CFHR2: variants seen among roughly 807,000 people sequenced by gnomAD.
The protein encoded by CFHR2 is complement factor H related 2.
A neutral mutation model predicts 21.7 loss-of-function variants in CFHR2; 22 were observed. The ratio of observed to expected loss-of-function variants is 1.01; its 90% CI spans 0.72 to 1.45. The LOEUF (loss-of-function observed/expected upper bound fraction) is 1.45, where lower values mean the gene tolerates loss of function less well. Ranked by LOEUF, CFHR2 falls within the 40% of genes most tolerant of loss-of-function variation. CFHR2 has a pLI of 0.00. For missense variants in CFHR2, 294 were observed against 293.3 expected (o/e 1.00, Z -0.02); for synonymous variants, 98 against 97.4 (o/e 1.01, Z -0.04).
intron 3 of CFHR2, among the ~76,000 whole-genome samples, chr1:196,951,340 A>G (rs1434463295): frequency 6.6e-6 from 1 of 152,220 alleles, no homozygotes; most frequent in Non-Finnish European, 1.5e-5. Flanking sequence ...ATGGTTACAA[A>G]ACTGATGTAT....
intron 3 of CFHR2, among the ~76,000 whole-genome samples, chr1:196,953,502 C>T (rs1484966057): frequency 6.6e-6 from 1 of 152,108 alleles, no homozygotes; most frequent in Non-Finnish European, 1.5e-5. Context: ...AGGCTGGTCT[C>T]CAACTCCCAA....
chr1:196,956,409 C>A (rs779018040), intron 3 of CFHR2, among the ~76,000 whole-genome samples: 2 of 152,008 alleles, frequency 1.3e-5, no homozygotes, highest in Non-Finnish European at 2.9e-5. Context: ...TAGTTTATGC[C>A]TTATGGTCAG....
chr1:196,952,090 A>G (rs1311612320), intron 3 of CFHR2, among the ~76,000 whole-genome samples: 1 of 152,170 alleles, frequency 6.6e-6, no homozygotes, highest in Non-Finnish European at 1.5e-5. Flanking sequence ...GTTATCAAAT[A>G]TTATTCCACA....
intron 3 of CFHR2, among the ~76,000 whole-genome samples, chr1:196,954,097 T>G (rs914772444): frequency 6.6e-6 from 1 of 152,222 alleles, no homozygotes; most frequent in African/African-American, 2.4e-5. Context: ...ATGGGTTTTT[T>G]AAAAAGTCTT....
chr1:196,958,215 T>A lies in CFHR2; in HGVS notation c.613+142T>A, dbSNP rs1011878024. 3 of 666,846 alleles carry A rather than the reference T, an allele frequency of 4.5e-6. No individual in the cohort carries two copies. The African/African-American group carries it at 5.6e-5, about 13-fold the overall frequency. The allele number at this position is 666,846 out of a possible 1,614,324, so 41.3% of individuals were successfully genotyped here. On this transcript the variant is annotated intron_variant, in intron 4 of 4. Coordinates refer to ENST00000367415, the MANE Select transcript of CFHR2 (RefSeq NM_005666.4). ...CCTACCAAATGTCTATATGATAGAA[T>A]GTAAAGTTTAGAAATTTTTCTCTTT...
chr1:196,953,480 A>G (rs545008390), intron 3 of CFHR2, among the ~76,000 whole-genome samples: 4 of 152,006 alleles, frequency 2.6e-5, no homozygotes, highest in Non-Finnish European at 4.4e-5. Flanking sequence ...CCAGGGTTTC[A>G]CCAAATTGGC....
At chr1:196,951,079 G>T in intron 3 of CFHR2, 51 bp downstream of exon 3, 1 of 1,593,196 alleles carries the variant, frequency 6.3e-7, no homozygotes, top group South Asian at 1.1e-5. Context: ...AAGTGTAAAA[G>T]AAATAAATCT....
intron 3 of CFHR2, among the ~76,000 whole-genome samples, chr1:196,953,915 A>G (rs546648167): frequency 6.6e-6 from 1 of 152,326 alleles, no homozygotes; most frequent in East Asian, 1.9e-4. Context: ...GAATTAATAT[A>G]TACTTTTATG....
At chr1:196,948,345 G>A (rs1340479282) in intron 1 of CFHR2, among the ~76,000 whole-genome samples, 4 of 151,792 alleles carry the variant, frequency 2.6e-5, no homozygotes, top group Non-Finnish European at 5.9e-5. Flanking sequence ...GCATGATCTC[G>A]GCTCACTGCA....
intron 2 of CFHR2, 71 bp downstream of exon 2, chr1:196,949,720 T>C (rs1249803059): frequency 1.3e-6 from 2 of 1,579,384 alleles, no homozygotes; most frequent in East Asian, 2.2e-5. Context: ...GACAAGATCA[T>C]AAACACTTGA....
intron 3 of CFHR2, among the ~76,000 whole-genome samples, chr1:196,956,944 A>G (rs867504107): frequency 2.4e-4 from 36 of 152,076 alleles, no homozygotes; most frequent in Non-Finnish European, 1.5e-5. Context: ...TGCTGACATC[A>G]ATCATGGGAA....
At position 196,958,973 on chromosome 1, in the gene CFHR2, A is replaced by G. The variant is rs779723022; in HGVS notation, c.706A>G (p.Ile236Val). Residue 236 changes from isoleucine (I) to valine (V), a missense_variant, in exon 5 of 5, where the codon ATA becomes GTA. Transcript: ENST00000367415. ...AAAGCTTTATTCAAGAACAGGTGAC[A>G]TAGTTGAATTTGTTTGTAAATCTGG... ...QQKLYSRTGD[I>V]VEFVCKSGYH... is the part of the protein sequence containing the mutation. 4 of 1,609,766 alleles carry G rather than the reference A, an allele frequency of 2.5e-6. No homozygotes were observed. The highest frequency in any genetic ancestry group is 4.5e-5 in the East Asian group (2 of 44,708).
rs112211308 is a variant in CFHR2 at position 196,958,107 on chromosome 1, A to G, written c.613+34A>G. On this transcript the variant is annotated intron_variant, in intron 4 of 4. Coordinates refer to ENST00000367415, the MANE Select transcript of CFHR2 (RefSeq NM_005666.4). ...TTTAATATTCTCATGGATTCTGGAAAAATCAGTGTGATGAGTCTGATATTT... is the reference window on the plus strand; with the variant it reads ...TTTAATATTCTCATGGATTCTGGAAGAATCAGTGTGATGAGTCTGATATTT... The G allele has an allele frequency of 1.0e-3, 1,657 of 1,593,476 alleles. 14 individuals are homozygous for G. In the African/African-American group the frequency reaches 0.013, roughly 12 times the overall value.
chr1:196,958,945 AC>A lies in CFHR2; in HGVS notation c.679del (p.Gln227LysfsTer10). On this transcript the variant is annotated frameshift_variant, in exon 5 of 5. Coordinates refer to ENST00000367415, the MANE Select transcript of CFHR2 (RefSeq NM_005666.4). LOFTEE classifies it low-confidence loss of function (END_TRUNC). ...YNIKLKWTNQ[Q>X]KLYSRTGDIV... is the part of the protein sequence containing the mutation. Reference sequence around the variant, plus strand: ...ACATAAAATTAAAGTGGACAAACCAACAAAAGCTTTATTCAAGAACAGGTGA... The same window carrying A: ...ACATAAAATTAAAGTGGACAAACCAAAAAAGCTTTATTCAAGAACAGGTGA... The A allele has an allele frequency of 6.2e-7, 1 of 1,606,444 alleles. No individual in the cohort carries two copies. Among genetic ancestry groups the A allele is most frequent in the Non-Finnish European group, 8.5e-7 (1 of 1,173,604 alleles).
chr1:196,952,126 T>C (rs1659751201), intron 3 of CFHR2, among the ~76,000 whole-genome samples: 1 of 152,174 alleles, frequency 6.6e-6, no homozygotes, highest in Admixed American at 6.5e-5. Flanking sequence ...TTTAAACCTC[T>C]AGAGCAGGGC....
chr1:196,954,480 C>A (rs1174696007), intron 3 of CFHR2, among the ~76,000 whole-genome samples: 1 of 152,174 alleles, frequency 6.6e-6, no homozygotes, highest in African/African-American at 2.4e-5. Flanking sequence ...AGGAGAGTAG[C>A]CCCCTACTCA....
Position 196,959,038 on chromosome 1 carries a change from T to C in CFHR2, c.771T>C (p.Cys257=). Residue 257 remains cysteine (C), a synonymous_variant, in exon 5 of 5, where the codon TGT becomes TGC. Coordinates refer to ENST00000367415, the MANE Select transcript of CFHR2 (RefSeq NM_005666.4). ...AATCTCATTCATTTCGAGCAATGTGTCAGAATGGGAAACTGGTATATCCCA... is the reference window on the plus strand; with the variant it reads ...AATCTCATTCATTTCGAGCAATGTGCCAGAATGGGAAACTGGTATATCCCA... The part of the protein sequence containing the change: ...PTKSHSFRAM[C]QNGKLVYPSC... 6.2e-7 allele frequency: 1 copy of C among 1,612,400 alleles called. No homozygotes were observed. The highest frequency in any genetic ancestry group is 1.7e-5 in the Admixed American group (1 of 59,856).
Position 196,958,084 on chromosome 1 carries a change from T to C in CFHR2, c.613+11T>C. ...CACCAAAATGCTTAGGTAAGTACTT[T>C]AATATTCTCATGGATTCTGGAAAAA... On this transcript the variant is annotated intron_variant, in intron 4 of 4. Coordinates refer to ENST00000367415, the MANE Select transcript of CFHR2 (RefSeq NM_005666.4). 1 of 1,610,662 alleles carries C rather than the reference T, an allele frequency of 6.2e-7. No homozygotes were observed. Among genetic ancestry groups the C allele is most frequent in the South Asian group, 1.1e-5 (1 of 90,964 alleles).
At chr1:196,944,102 C>A (rs1659389943) in intron 1 of CFHR2, among the ~76,000 whole-genome samples, 164 bp downstream of exon 1, 1 of 117,142 alleles carries the variant, frequency 8.5e-6, no homozygotes, top group Non-Finnish European at 1.7e-5. Context: ...ATGCAATTAG[C>A]AGGAAAATAG....
Sources: allele counts gnomAD v4.1 joint callset (sites outside exome capture counted in the v4.1 genomes callset), GRCh38; gene constraint gnomAD v4.1.1; transcripts MANE v1.5; gene names NCBI Gene and HGNC (gene_info 2026-07-23, HGNC 2026-07-21).